The following ANKS1B variants were observed in gnomAD, a reference collection of about 807,000 sequenced individuals.
ANKS1B encodes the protein ankyrin repeat and sterile alpha motif domain containing 1B.
In ANKS1B, 36 loss-of-function variants were observed where a neutral mutation model predicts 148.3. The ratio of observed to expected loss-of-function variants is 0.24; its 90% CI spans 0.19 to 0.32. The LOEUF is 0.32. Ranked by LOEUF, ANKS1B falls within the 10% of genes least tolerant of loss-of-function variation. The pLI, the probability that ANKS1B is intolerant of heterozygous loss-of-function variation, is 1.00. For synonymous variants in ANKS1B, 542 were observed against 560.8 expected (o/e 0.97, Z 0.47); for missense variants, 1,157 against 1,542.6 (o/e 0.75, Z 4.19).
chr12:98,998,924 C>T (rs2099931274), intron 17 of ANKS1B, among the ~76,000 whole-genome samples: 1 of 152,214 alleles, frequency 6.6e-6, no homozygotes, highest in Admixed American at 6.5e-5. Context: ...GATCCCTACA[C>T]TTTACTATTG....
At chr12:99,520,364 T>A (rs951938081) in intron 9 of ANKS1B, among the ~76,000 whole-genome samples, 1 of 152,246 alleles carries the variant, frequency 6.6e-6, no homozygotes, top group Admixed American at 6.5e-5. Context: ...GGTAAAAGTT[T>A]TTTTCCTTCA....
At chr12:98,955,655 A>G (rs562570988) in intron 17 of ANKS1B, among the ~76,000 whole-genome samples, 1 of 152,276 alleles carries the variant, frequency 6.6e-6, no homozygotes, top group East Asian at 1.9e-4. Context: ...GAAAGATTGA[A>G]TTTGGCATAT....
chr12:98,835,540 C>T (rs1268924605), intron 17 of ANKS1B, among the ~76,000 whole-genome samples: 2 of 152,196 alleles, frequency 1.3e-5, no homozygotes. Flanking sequence ...AGTAACTTAT[C>T]CTAGTAGGAA....
chr12:99,585,229 A>T (rs975185304), intron 9 of ANKS1B, among the ~76,000 whole-genome samples: 22 of 152,190 alleles, frequency 1.4e-4, no homozygotes, highest in African/African-American at 5.1e-4. Flanking sequence ...GAAATTGGCC[A>T]AAATGAAGGG....
At chr12:99,657,177 A>G (rs921434511) in intron 8 of ANKS1B, among the ~76,000 whole-genome samples, 12 of 152,138 alleles carry the variant, frequency 7.9e-5, no homozygotes, top group African/African-American at 2.9e-4. Flanking sequence ...TTTGAGGCAA[A>G]TATTTTTCCT....
At chr12:99,790,027 A>G (rs960957432) in intron 4 of ANKS1B, among the ~76,000 whole-genome samples, 1 of 152,188 alleles carries the variant, frequency 6.6e-6, no homozygotes, top group Non-Finnish European at 1.5e-5. Flanking sequence ...TAGAGCACCA[A>G]GCAGATGTAA....
intron 14 of ANKS1B, among the ~76,000 whole-genome samples, chr12:99,185,643 G>A (rs145122192): frequency 2.8e-4 from 42 of 152,276 alleles, no homozygotes; most frequent in African/African-American, 8.9e-4. Flanking sequence ...GCAAGGGGTC[G>A]GGGGACTCCC....
At chr12:99,325,517 A>G (rs1035152715) in intron 12 of ANKS1B, among the ~76,000 whole-genome samples, 1 of 152,142 alleles carries the variant, frequency 6.6e-6, no homozygotes, top group Non-Finnish European at 1.5e-5. Context: ...GCTCTAACTG[A>G]AGAGGGTCAA....
chr12:98,819,712 C>T (rs533577075), intron 19 of ANKS1B, among the ~76,000 whole-genome samples: 4 of 152,246 alleles, frequency 2.6e-5, no homozygotes, highest in African/African-American at 9.6e-5. Flanking sequence ...TTTTCTGGCC[C>T]CTTCTCATCT....
chr12:98,974,241 T>C (rs976267167), intron 17 of ANKS1B, among the ~76,000 whole-genome samples: 1 of 152,200 alleles, frequency 6.6e-6, no homozygotes, highest in Admixed American at 6.5e-5. Flanking sequence ...GTTTGTGTTA[T>C]ATCAGAATGA....
At chr12:98,778,124 G>GT (rs2098698689) in intron 24 of ANKS1B, among the ~76,000 whole-genome samples, 1 of 152,202 alleles carries the variant, frequency 6.6e-6, no homozygotes, top group South Asian at 2.1e-4. Context: ...CAAGGCAGGG[G>GT]TACGAGATGC....
intron 12 of ANKS1B, among the ~76,000 whole-genome samples, chr12:99,294,506 A>T (rs971153949): frequency 2.0e-5 from 3 of 152,176 alleles, no homozygotes; most frequent in Admixed American, 6.5e-5. Flanking sequence ...CAGAGAATAG[A>T]ATGATGGTTA....
At chr12:98,949,099 C>T (rs79250907) in intron 17 of ANKS1B, among the ~76,000 whole-genome samples, 20,196 of 151,364 alleles carry the variant, frequency 0.13, 1,786 homozygotes, top group African/African-American at 0.24. Flanking sequence ...ACTACAGGCA[C>T]GTGCCAACAC....
chr12:98,944,302 CAA>C (rs11313441), intron 17 of ANKS1B, among the ~76,000 whole-genome samples: 4,693 of 88,038 alleles, frequency 0.053, 87 homozygotes, highest in African/African-American at 0.09. Flanking sequence ...CTCCACCTCA[CAA>C]AAAAAAAAAA....
chr12:99,547,416 G>A (rs2097181080), intron 9 of ANKS1B, among the ~76,000 whole-genome samples: 1 of 152,058 alleles, frequency 6.6e-6, no homozygotes, highest in African/African-American at 2.4e-5. Context: ...TCATAAAAAA[G>A]AAACAGGAGG....
chr12:99,445,405 ATTATAT>A (rs1187577388), intron 10 of ANKS1B, among the ~76,000 whole-genome samples: 8 of 152,152 alleles, frequency 5.3e-5, no homozygotes, highest in Non-Finnish European at 1.0e-4. Context: ...CAGTAAAACT[ATTATAT>A]TTAACAGTAT....
At chr12:99,096,927 C>T (rs947006411) in intron 15 of ANKS1B, 5 of 152,148 alleles carry the variant, frequency 3.3e-5, no homozygotes, top group African/African-American at 1.2e-4. Flanking sequence ...GGGGCACACT[C>T]TATCTAGGTT....
intron 16 of ANKS1B, among the ~76,000 whole-genome samples, chr12:99,064,737 G>C (rs2043538565): frequency 1.3e-5 from 2 of 152,196 alleles, no homozygotes; most frequent in Non-Finnish European, 2.9e-5. Flanking sequence ...ATCTGTGTGG[G>C]ATGCAGATGA....
intron 8 of ANKS1B, among the ~76,000 whole-genome samples, chr12:99,717,766 C>T (rs1197298157): frequency 6.8e-5 from 10 of 146,588 alleles, no homozygotes; most frequent in South Asian, 6.8e-4. Context: ...TTAATCAATA[C>T]GGAGGCTACC....
Sources: allele counts gnomAD v4.1 joint callset (sites outside exome capture counted in the v4.1 genomes callset), GRCh38; gene constraint gnomAD v4.1.1; transcripts MANE v1.5; gene names NCBI Gene and HGNC (gene_info 2026-07-23, HGNC 2026-07-21).